LRP1B: variants seen among roughly 807,000 people sequenced by gnomAD.
LRP1B encodes the protein low-density lipoprotein receptor-related protein 1B.
In LRP1B, 217 loss-of-function variants were observed where a neutral mutation model predicts 556.6. The observed-to-expected ratio is 0.39, with a 90% CI of 0.35 to 0.44. LRP1B has a LOEUF of 0.44. Ranked by LOEUF, LRP1B falls within the 20% of genes least tolerant of loss-of-function variation. The pLI is 1.00. For synonymous variants in LRP1B, 2,047 were observed against 1,865.8 expected, an observed-to-expected ratio of 1.10 and a Z score of -2.50; for missense variants, 5,053 against 5,620.8, an observed-to-expected ratio of 0.90 and a Z score of 3.23.
intron 2 of LRP1B, among the ~76,000 whole-genome samples, chr2:141,794,503 G>A (rs1224480199): frequency 6.6e-6 from 1 of 151,782 alleles, no homozygotes; most frequent in Non-Finnish European, 1.5e-5. Context: ...TCAGGTATGA[G>A]TTTCTACAAA....
At chr2:141,891,971 C>A (rs1043465512) in intron 1 of LRP1B, among the ~76,000 whole-genome samples, 2 of 151,832 alleles carry the variant, frequency 1.3e-5, no homozygotes, top group African/African-American at 4.8e-5. Context: ...AGAAATAAAA[C>A]AACATTCATT....
intron 41 of LRP1B, among the ~76,000 whole-genome samples, chr2:140,679,381 G>A (rs184371327): frequency 2.0e-5 from 3 of 152,202 alleles, no homozygotes; most frequent in South Asian, 4.2e-4. Flanking sequence ...TCTGGTCAAC[G>A]CCAAAGTGGA....
intron 55 of LRP1B, 46 bp downstream of exon 55, chr2:140,501,641 C>A (rs2104890271): frequency 7.2e-7 from 1 of 1,379,376 alleles, no homozygotes; most frequent in East Asian, 2.4e-5. Flanking sequence ...TCTTAACCTC[C>A]AATTCTAATG....
intron 41 of LRP1B, among the ~76,000 whole-genome samples, chr2:140,607,127 A>G (rs502726): frequency 0.61 from 93,352 of 151,972 alleles, 29,065 homozygotes; most frequent in Non-Finnish European, 0.65. Flanking sequence ...ATAATGGGCA[A>G]ATAATTTGAA....
chr2:141,191,926 A>G (rs1681530173), intron 6 of LRP1B, among the ~76,000 whole-genome samples: 1 of 151,948 alleles, frequency 6.6e-6, no homozygotes, highest in Non-Finnish European at 1.5e-5. Context: ...TAGTTTATAC[A>G]ATTGTAATTT....
chr2:141,938,710 T>A (rs2105009918), intron 1 of LRP1B, among the ~76,000 whole-genome samples: 1 of 152,216 alleles, frequency 6.6e-6, no homozygotes, highest in East Asian at 1.9e-4. Context: ...AACAGATGAA[T>A]GGGTAAAGAC....
chr2:141,114,223 G>A (rs766787539), intron 7 of LRP1B, among the ~76,000 whole-genome samples: 1 of 152,184 alleles, frequency 6.6e-6, no homozygotes, highest in African/African-American at 2.4e-5. Context: ...AGCGTCTAAG[G>A]GTGTGCTACA....
intron 1 of LRP1B, among the ~76,000 whole-genome samples, chr2:142,122,109 G>A (rs1295357739): frequency 6.6e-6 from 1 of 152,058 alleles, no homozygotes; most frequent in Non-Finnish European, 1.5e-5. Flanking sequence ...CTCAGAATGG[G>A]TCGGAGCAAT....
intron 3 of LRP1B, among the ~76,000 whole-genome samples, chr2:141,306,003 G>A (rs1686572653): frequency 6.6e-6 from 1 of 152,100 alleles, no homozygotes; most frequent in Non-Finnish European, 1.5e-5. Context: ...GTATTTAGTA[G>A]AGGAATTTTG....
chr2:141,981,512 T>C (rs1702041237), intron 1 of LRP1B, among the ~76,000 whole-genome samples: 1 of 152,116 alleles, frequency 6.6e-6, no homozygotes, highest in Admixed American at 6.6e-5. Flanking sequence ...AATCACTCCC[T>C]TACAGTCTTG....
chr2:141,033,542 A>T (rs1401576103), intron 11 of LRP1B, among the ~76,000 whole-genome samples: 1 of 36,384 alleles, frequency 2.7e-5, no homozygotes, highest in Non-Finnish European at 1.1e-4. Context: ...CTGTCCCTCA[A>T]AAAAAAAAAA....
intron 7 of LRP1B, among the ~76,000 whole-genome samples, chr2:141,159,316 A>G (rs1702142832): frequency 6.6e-6 from 1 of 152,168 alleles, no homozygotes; most frequent in Non-Finnish European, 1.5e-5. Flanking sequence ...AAAATAATTT[A>G]ATTAGGGCAG....
intron 15 of LRP1B, among the ~76,000 whole-genome samples, chr2:141,004,232 C>T (rs1697505835): frequency 6.6e-6 from 1 of 152,010 alleles, no homozygotes; most frequent in Non-Finnish European, 1.5e-5. Flanking sequence ...GATGTTTGGT[C>T]ACACATTATC....
intron 1 of LRP1B, among the ~76,000 whole-genome samples, chr2:142,091,029 C>T (rs1050670176): frequency 6.6e-6 from 1 of 152,110 alleles, no homozygotes; most frequent in African/African-American, 2.4e-5. Context: ...GAAAATTTCT[C>T]TCATTGGTTA....
intron 59 of LRP1B, among the ~76,000 whole-genome samples, chr2:140,483,630 ATATATATATATTT>A (rs1185153855): frequency 6.5e-5 from 3 of 46,306 alleles, no homozygotes; most frequent in Non-Finnish European, 1.4e-4. Context: ...ATATATATAT[ATATATATATATTT>A]TTTTTTTTTT....
At chr2:141,331,541 T>TTTCTTTCTTTCTTTCTTCTTTC (rs141339943) in intron 3 of LRP1B, among the ~76,000 whole-genome samples, 2 of 144,648 alleles carry the variant, frequency 1.4e-5, no homozygotes, top group African/African-American at 5.5e-5. Flanking sequence ...TCTTTCTTTC[T>TTTCTTTCTTTCTTTCTTCTTTC]TTCTTTCTTT....
At chr2:141,623,231 C>G (rs1392919234) in intron 2 of LRP1B, among the ~76,000 whole-genome samples, 1 of 152,070 alleles carries the variant, frequency 6.6e-6, no homozygotes, top group East Asian at 1.9e-4. Flanking sequence ...TGTCCATATC[C>G]AAATAAATTC....
intron 6 of LRP1B, among the ~76,000 whole-genome samples, chr2:141,192,903 C>T (rs1023149704): frequency 4.6e-5 from 7 of 151,224 alleles, no homozygotes; most frequent in Admixed American, 1.3e-4. Flanking sequence ...AAATTTGCAC[C>T]GAGTAATAAT....
intron 41 of LRP1B, among the ~76,000 whole-genome samples, chr2:140,681,534 T>C (rs1685859329): frequency 6.6e-6 from 1 of 152,160 alleles, no homozygotes. Context: ...ATAGCGCTTT[T>C]AATATTTGTC....
Sources: gnomAD v4.1 joint callset for allele counts (sites outside exome capture counted in the v4.1 genomes callset) on GRCh38, gnomAD v4.1.1 for gene constraint, MANE v1.5 for transcripts, NCBI Gene and HGNC (gene_info 2026-07-23, HGNC 2026-07-21) for gene names.